The following PDE4D variants were observed in gnomAD, a reference collection of about 807,000 sequenced individuals.
PDE4D encodes 3',5'-cyclic-AMP phosphodiesterase 4D.
In PDE4D, 24 loss-of-function variants were observed where a neutral mutation model predicts 87.4. That is an observed-to-expected ratio of 0.27 (90% CI 0.20 to 0.39). The LOEUF (loss-of-function observed/expected upper bound fraction) is 0.39. Ranked by LOEUF, PDE4D falls within the 10% of genes least tolerant of loss-of-function variation. The pLI, the probability that PDE4D is intolerant of heterozygous loss-of-function variation, is 1.00. For synonymous variants in PDE4D, 384 were observed against 383.2 expected, an observed-to-expected ratio of 1.00 and a Z score of -0.02; for missense variants, 714 against 1,041.0, an observed-to-expected ratio of 0.69 and a Z score of 4.32.
intron 1 of PDE4D, among the ~76,000 whole-genome samples, chr5:59,790,809 T>A (rs1765700186): frequency 6.6e-6 from 1 of 152,210 alleles, no homozygotes; most frequent in Non-Finnish European, 1.5e-5. Context: ...TGAAAATGTG[T>A]TATAGATCAC....
At chr5:59,749,389 C>T (rs545681660) in intron 1 of PDE4D, among the ~76,000 whole-genome samples, 46 of 152,138 alleles carry the variant, frequency 3.0e-4, no homozygotes, top group African/African-American at 1.1e-3. Context: ...TCAGACTCCC[C>T]AGTAGCTGGG....
chr5:59,526,192 C>A (rs530515020), intron 1 of PDE4D, among the ~76,000 whole-genome samples: 1 of 152,236 alleles, frequency 6.6e-6, no homozygotes, highest in South Asian at 2.1e-4. Flanking sequence ...GACCACAGAG[C>A]TTAGAAAAAG....
intron 1 of PDE4D, among the ~76,000 whole-genome samples, chr5:59,404,875 C>T (rs1015177119): frequency 6.6e-6 from 1 of 152,178 alleles, no homozygotes; most frequent in East Asian, 1.9e-4. Flanking sequence ...AAGAGACTGT[C>T]CTTTCTCAAT....
At chr5:59,729,528 C>T (rs989186152) in intron 1 of PDE4D, among the ~76,000 whole-genome samples, 2 of 151,940 alleles carry the variant, frequency 1.3e-5, no homozygotes, top group Non-Finnish European at 2.9e-5. Context: ...CAGTGTAAGT[C>T]GCCACATTCC....
At chr5:60,381,625 G>A (rs1761867253) in intron 1 of PDE4D, among the ~76,000 whole-genome samples, 2 of 152,158 alleles carry the variant, frequency 1.3e-5, no homozygotes. Context: ...ACAGATACGG[G>A]AAAGTCAGAA....
chr5:60,075,473 T>G lies in PDE4D; in HGVS notation c.43-86756A>C, dbSNP rs555645268. On this transcript the variant is annotated intron_variant, in intron 2 of 16. Coordinates refer to the PDE4D transcript ENST00000502484. Reference sequence around the variant, plus strand: ...ATCATTTCAACCTTGGAGAATCTGATGATTGTCTGTCTTGGGGATGATCTT... The same window carrying G: ...ATCATTTCAACCTTGGAGAATCTGAGGATTGTCTGTCTTGGGGATGATCTT... 5.3e-5 allele frequency among the ~76,000 whole-genome samples: 8 copies of G among 152,326 alleles called. No homozygotes were observed. The South Asian group carries it at 1.4e-3, about 28-fold the overall frequency.
At chr5:59,930,127 A>G (rs1382472382) in intron 3 of PDE4D, among the ~76,000 whole-genome samples, 1 of 130,010 alleles carries the variant, frequency 7.7e-6, no homozygotes, top group African/African-American at 3.2e-5. Context: ...GTGCCACTGC[A>G]CTTCCAGTCT....
chr5:59,116,756 C>T (rs1437146766), intron 5 of PDE4D, among the ~76,000 whole-genome samples: 1 of 152,022 alleles, frequency 6.6e-6, no homozygotes. Context: ...GGATTGCAGG[C>T]AGAACAAGGA....
In PDE4D at chr5:60,196,146, A is replaced by G. The variant is rs937235327; in HGVS notation, c.-89-10459T>C. Among the ~76,000 whole-genome samples the G allele has an allele frequency of 1.5e-4, 23 of 151,702 alleles. 1 individual carries two copies. The highest frequency in any genetic ancestry group is 2.0e-4 in the Admixed American group (3 of 15,224). Reference sequence around the variant, plus strand: ...TACAAGCATATCATTTGGCTCCCCAAATAGCCTAATTCTTCACTCCCAAGG... The same window carrying G: ...TACAAGCATATCATTTGGCTCCCCAGATAGCCTAATTCTTCACTCCCAAGG... On this transcript the variant is annotated intron_variant, in intron 1 of 16. Transcript: ENST00000502484.
At chr5:59,258,170 C>T (rs190316829) in intron 1 of PDE4D, among the ~76,000 whole-genome samples, 2 of 152,110 alleles carry the variant, frequency 1.3e-5, no homozygotes, top group African/African-American at 4.8e-5. Context: ...ATCCCCTTCT[C>T]CCCAATGTTT....
chr5:59,406,019 CG>C (rs1791543832), intron 1 of PDE4D, among the ~76,000 whole-genome samples: 1 of 152,134 alleles, frequency 6.6e-6, no homozygotes, highest in African/African-American at 2.4e-5. Context: ...TGGTCTGTTT[CG>C]GTATGAGGGT....
intron 5 of PDE4D, among the ~76,000 whole-genome samples, chr5:59,146,582 T>C (rs79452048): frequency 6.6e-6 from 1 of 151,864 alleles, no homozygotes; most frequent in African/African-American, 2.4e-5. Context: ...TTTTTTTTTT[T>C]CCAAATCAAA....
chr5:59,107,428 C>T (rs1364537070), intron 5 of PDE4D, among the ~76,000 whole-genome samples: 1 of 152,126 alleles, frequency 6.6e-6, no homozygotes, highest in Non-Finnish European at 1.5e-5. Context: ...AGGCTGGTCT[C>T]GAACTCCCAA....
chr5:58,976,309 A>C (rs1743775685), intron 13 of PDE4D, 41 bp downstream of exon 13: 1 of 1,603,664 alleles, frequency 6.2e-7, no homozygotes, highest in Non-Finnish European at 8.5e-7. Context: ...GCACATGTGC[A>C]CAGACACACA....
intron 3 of PDE4D, among the ~76,000 whole-genome samples, chr5:59,964,348 G>T (rs908666777): frequency 6.6e-6 from 1 of 152,148 alleles, no homozygotes; most frequent in African/African-American, 2.4e-5. Flanking sequence ...GGCTTCAGCT[G>T]GACTAATCTA....
intron 2 of PDE4D, among the ~76,000 whole-genome samples, chr5:59,213,623 ACTC>A (rs1750571302): frequency 6.6e-6 from 1 of 151,458 alleles, no homozygotes; most frequent in African/African-American, 2.4e-5. Context: ...CTTTCTTCCT[ACTC>A]CACCCATCAG....
chr5:60,420,291 G>C (rs1484891782), intron 1 of PDE4D, among the ~76,000 whole-genome samples: 1 of 152,144 alleles, frequency 6.6e-6, no homozygotes, highest in African/African-American at 2.4e-5. Flanking sequence ...TATGACTCCA[G>C]TAAAGTCTAA....
At position 59,224,491 on chromosome 5, in the gene PDE4D, T is replaced by A. The variant is rs533701205; in HGVS notation, c.456-8523A>T. Among the ~76,000 whole-genome samples the A allele has an allele frequency of 1.2e-4, 18 of 152,314 alleles. No individual in the cohort carries two copies. The South Asian group carries it at 3.7e-3, about 32-fold the overall frequency. On this transcript the variant is annotated intron_variant, in intron 1 of 14. Transcript: ENST00000340635. Reference sequence around the variant, plus strand: ...GATAGCATGAGTTTGATGTCTGGACTATAAATGAAAGAGGATAAGCTGGAC... The same window carrying A: ...GATAGCATGAGTTTGATGTCTGGACAATAAATGAAAGAGGATAAGCTGGAC...
intron 1 of PDE4D, among the ~76,000 whole-genome samples, chr5:60,220,185 G>T (rs1744329967): frequency 6.6e-6 from 1 of 152,140 alleles, no homozygotes; most frequent in Non-Finnish European, 1.5e-5. Context: ...CTGTCCACAA[G>T]ATCAGGTGCT....
Sources: gnomAD v4.1 joint callset for allele counts (sites outside exome capture counted in the v4.1 genomes callset) on GRCh38, gnomAD v4.1.1 for gene constraint, MANE v1.5 for transcripts, NCBI Gene and HGNC (gene_info 2026-07-23, HGNC 2026-07-21) for gene names.